The following MTMR12 variants were observed in gnomAD, a reference collection of about 807,000 sequenced individuals.
The protein encoded by MTMR12 is myotubularin-related protein 12.
MTMR12 carries 33 observed loss-of-function variants against 96.7 expected under a neutral mutation model. The ratio of observed to expected loss-of-function variants is 0.34; its 90% confidence interval spans 0.26 to 0.46. The LOEUF (loss-of-function observed/expected upper bound fraction) is 0.46. Ranked by LOEUF, MTMR12 falls within the 20% of genes least tolerant of loss-of-function variation. MTMR12 has a pLI of 1.00. For synonymous variants in MTMR12, 298 were observed against 327.2 expected, an observed-to-expected ratio of 0.91 and a Z score of 0.96; for missense variants, 721 against 896.1, an observed-to-expected ratio of 0.80 and a Z score of 2.49.
At chr5:32,230,574 C>T (rs911548242) in intron 15 of MTMR12, among the ~76,000 whole-genome samples, 6 of 152,152 alleles carry the variant, frequency 3.9e-5, no homozygotes, top group East Asian at 1.9e-4. Context: ...AGCAGGTGCA[C>T]GTGGCAGCTG....
chr5:32,231,841 C>T (rs1748009025), intron 15 of MTMR12, among the ~76,000 whole-genome samples: 1 of 152,166 alleles, frequency 6.6e-6, no homozygotes, highest in Admixed American at 6.5e-5. Context: ...GTGCTTCCTG[C>T]CTGCTCGGTT....
chr5:32,293,885 C>T (rs1581640396), intron 1 of MTMR12, among the ~76,000 whole-genome samples: 2 of 152,202 alleles, frequency 1.3e-5, no homozygotes, highest in African/African-American at 4.8e-5. Flanking sequence ...CCACCCCTTG[C>T]CAAATCTAAT....
chr5:32,306,988 G>C (rs1267514711), intron 1 of MTMR12, among the ~76,000 whole-genome samples: 1 of 152,074 alleles, frequency 6.6e-6, no homozygotes, highest in Non-Finnish European at 1.5e-5. Context: ...AGTTTCAAAG[G>C]TCTAATTTTA....
chr5:32,303,600 G>C (rs1269661098), intron 1 of MTMR12, among the ~76,000 whole-genome samples: 1 of 152,148 alleles, frequency 6.6e-6, no homozygotes, highest in Admixed American at 6.5e-5. Context: ...ACTTGATTCA[G>C]TGAGAATAAA....
intron 10 of MTMR12, among the ~76,000 whole-genome samples, chr5:32,246,452 C>T (rs551733969): frequency 1.4e-4 from 22 of 152,290 alleles, no homozygotes; most frequent in African/African-American, 3.9e-4. Context: ...TGAGCCACTG[C>T]GCCCAGCAAG....
At chr5:32,269,166 A>G (rs1292982570) in intron 5 of MTMR12, among the ~76,000 whole-genome samples, 1 of 151,816 alleles carries the variant, frequency 6.6e-6, no homozygotes, top group East Asian at 1.9e-4. Context: ...AGCTGGGATT[A>G]CAGGCCTGCA....
At chr5:32,240,701 AG>A (rs2112000449) in intron 12 of MTMR12, among the ~76,000 whole-genome samples, 1 of 152,222 alleles carries the variant, frequency 6.6e-6, no homozygotes, top group African/African-American at 2.4e-5. Context: ...CCCAGATTAA[AG>A]CAATTCTTGT....
chr5:32,268,582 A>G lies in MTMR12; in HGVS notation c.583+119T>C, dbSNP rs1210162159. 4 of 688,840 alleles carry G rather than the reference A, an allele frequency of 5.8e-6. No individual in the cohort carries two copies. The South Asian group carries it at 7.5e-5, about 13-fold the overall frequency. 42.7% of individuals were successfully genotyped at this position (688,840 alleles called of 1,614,324 possible). A position where few individuals can be genotyped will look rare whatever the true frequency, so the allele number is the denominator to read the frequency against. On this transcript the variant is annotated intron_variant, in intron 6 of 15. Coordinates refer to ENST00000382142, the MANE Select transcript of MTMR12 (RefSeq NM_001040446.3). ...GAATCACTCAAGCAAGGGGTGACCAATTGGTAGAGGAGACAGGAAAAAACA... is the reference window on the plus strand; with the variant it reads ...GAATCACTCAAGCAAGGGGTGACCAGTTGGTAGAGGAGACAGGAAAAAACA...
intron 15 of MTMR12, among the ~76,000 whole-genome samples, chr5:32,231,214 G>A (rs1007988860): frequency 6.6e-6 from 1 of 152,010 alleles, no homozygotes; most frequent in East Asian, 1.9e-4. Context: ...TGGCCAAAAT[G>A]GCAAAACCCC....
In MTMR12 at chr5:32,257,155, C is replaced by T. The variant is rs534764730; in HGVS notation, c.714-1387G>A. On this transcript the variant is annotated intron_variant, in intron 7 of 15. Coordinates refer to ENST00000382142, the MANE Select transcript of MTMR12 (RefSeq NM_001040446.3). ...CTAGCCTTGGCAACATAGTGAGACC[C>T]CATCTCCACAAAAAAATTAAAAAAA... is the stretch of plus-strand genomic sequence containing the variant. Among the ~76,000 whole-genome samples the T allele has an allele frequency of 3.9e-5, 6 of 151,936 alleles. No individual in the cohort carries two copies. The South Asian group carries it at 1.2e-3, about 32-fold the overall frequency.
intron 6 of MTMR12, among the ~76,000 whole-genome samples, chr5:32,264,319 C>G (rs1377206157): frequency 2.0e-5 from 3 of 152,112 alleles, no homozygotes; most frequent in Non-Finnish European, 2.9e-5. Flanking sequence ...AAAAACCAAG[C>G]CTTCTGGGAA....
At chr5:32,275,671 G>A (rs934916471) in intron 2 of MTMR12, among the ~76,000 whole-genome samples, 2 of 152,302 alleles carry the variant, frequency 1.3e-5, no homozygotes, top group East Asian at 3.9e-4. Flanking sequence ...TGAACTCACC[G>A]CTGCACACCC....
intron 1 of MTMR12, among the ~76,000 whole-genome samples, chr5:32,294,626 T>C (rs1750858824): frequency 6.6e-6 from 1 of 152,154 alleles, no homozygotes; most frequent in South Asian, 2.1e-4. Flanking sequence ...CACGCTGAAC[T>C]GCAAGAGTCT....
At chr5:32,279,520 T>C (rs985844826) in intron 1 of MTMR12, among the ~76,000 whole-genome samples, 13 of 152,340 alleles carry the variant, frequency 8.5e-5, no homozygotes, top group African/African-American at 3.1e-4. Context: ...GGTCTCCAGT[T>C]TCCCATTGCA....
At chr5:32,258,323 G>A (rs989549276) in intron 7 of MTMR12, among the ~76,000 whole-genome samples, 3 of 152,208 alleles carry the variant, frequency 2.0e-5, no homozygotes, top group African/African-American at 4.8e-5. Flanking sequence ...CTGAATGGGT[G>A]ACTGGTAAGG....
chr5:32,276,346 C>G (rs74710558), intron 2 of MTMR12, among the ~76,000 whole-genome samples: 2,348 of 152,348 alleles, frequency 0.015, 32 homozygotes, highest in Non-Finnish European at 0.024. Context: ...TTGTTTTCCT[C>G]AATTCCCTAC....
intron 3 of MTMR12, among the ~76,000 whole-genome samples, chr5:32,273,260 C>G (rs58433883): frequency 6.6e-6 from 1 of 152,038 alleles, no homozygotes; most frequent in Admixed American, 6.5e-5. Context: ...ATTAGCCAGG[C>G]GTGAATGTCA....
rs1747787408 is a variant in MTMR12 at position 32,227,763 on chromosome 5, T to C, written c.*2015A>G. 1 of 152,678 alleles carries C rather than the reference T, an allele frequency of 6.5e-6. No homozygotes were observed. Among genetic ancestry groups the C allele is most frequent in the Admixed American group, 6.5e-5 (1 of 15,274 alleles). 9.5% of individuals were successfully genotyped at this position (152,678 alleles called of 1,614,324 possible). On this transcript the variant is annotated 3_prime_UTR_variant, in exon 16 of 16. Coordinates refer to ENST00000382142, the MANE Select transcript of MTMR12 (RefSeq NM_001040446.3). The stretch of plus-strand genomic sequence containing the variant: ...GGTAGCTAAGGAACTAGTTAGTGTA[T>C]TTTAAAATCCCTATTGCAAGCCTAA...
intron 7 of MTMR12, among the ~76,000 whole-genome samples, chr5:32,262,126 A>G (rs1250642782): frequency 6.6e-6 from 1 of 152,198 alleles, no homozygotes; most frequent in East Asian, 1.9e-4. Context: ...GTGGAGGAAG[A>G]AACTCTCATA....
Sources: gnomAD v4.1 joint callset for allele counts (sites outside exome capture counted in the v4.1 genomes callset) on GRCh38, gnomAD v4.1.1 for gene constraint, MANE v1.5 for transcripts, NCBI Gene and HGNC (gene_info 2026-07-23, HGNC 2026-07-21) for gene names.